Variants in PRUNE2 observed in about 807,000 individuals in gnomAD.
PRUNE2 encodes prune homolog 2 with BCH domain.
A neutral mutation model predicts 252.0 loss-of-function variants in PRUNE2; 164 were observed. That is an observed-to-expected ratio of 0.65 (90% CI 0.57 to 0.74). The LOEUF (loss-of-function observed/expected upper bound fraction) is 0.74, where lower values mean the gene tolerates loss of function less well. Among genes scored for constraint, PRUNE2 ranks in the 30% least tolerant of loss-of-function variants. The pLI, the probability that PRUNE2 is intolerant of heterozygous loss-of-function variation, is 0.00. For missense variants in PRUNE2, 3,495 were observed against 3,711.0 expected (o/e 0.94, Z 1.51); for synonymous variants, 1,292 against 1,350.2 (o/e 0.96, Z 0.94).
At chr9:76,629,060 T>C (rs1016154368) in intron 16 of PRUNE2, 132 bp downstream of exon 16, 5 of 567,196 alleles carry the variant, frequency 8.8e-6, no homozygotes, top group African/African-American at 1.9e-5. Context: ...TCCAGGCTGA[T>C]TGCAAACTCC....
chr9:76,718,406 T>C (rs113008413), intron 6 of PRUNE2, among the ~76,000 whole-genome samples: 50 of 151,598 alleles, frequency 3.3e-4, no homozygotes, highest in African/African-American at 1.2e-3. Flanking sequence ...GTCATTTCAC[T>C]GAAACTCTCT....
intron 18 of PRUNE2, among the ~76,000 whole-genome samples, chr9:76,616,589 C>CT (rs1270468424): frequency 8.5e-5 from 13 of 152,140 alleles, no homozygotes; most frequent in African/African-American, 2.7e-4. Context: ...TTCGTACTGA[C>CT]TTTTTTGTAA....
At chr9:76,702,409 C>T (rs1315488102) in intron 9 of PRUNE2, among the ~76,000 whole-genome samples, 3 of 152,162 alleles carry the variant, frequency 2.0e-5, no homozygotes, top group Non-Finnish European at 4.4e-5. Flanking sequence ...TTCCCCGTTA[C>T]TTAAGTTACT....
chr9:76,733,928 T>C (rs909676343), intron 6 of PRUNE2, among the ~76,000 whole-genome samples: 2 of 151,904 alleles, frequency 1.3e-5, no homozygotes, highest in African/African-American at 4.8e-5. Context: ...TTTAGTTGTT[T>C]TTTTTTTTTC....
intron 6 of PRUNE2, among the ~76,000 whole-genome samples, chr9:76,800,503 A>G (rs1420163129): frequency 3.3e-5 from 5 of 152,250 alleles, no homozygotes; most frequent in Admixed American, 6.5e-5. Flanking sequence ...ATAAAATAAT[A>G]ACAATTTGAA....
At chr9:76,630,079 C>T (rs957907087) in intron 15 of PRUNE2, among the ~76,000 whole-genome samples, 1 of 152,004 alleles carries the variant, frequency 6.6e-6, no homozygotes, top group Non-Finnish European at 1.5e-5. Context: ...TGCGGCCTCC[C>T]GGTGGTTCCT....
chr9:76,751,036 A>T (rs993728767), intron 6 of PRUNE2, among the ~76,000 whole-genome samples: 1 of 152,230 alleles, frequency 6.6e-6, no homozygotes, highest in Non-Finnish European at 1.5e-5. Context: ...CTCCTGCTGT[A>T]TCAATTTGCC....
intron 15 of PRUNE2, 42 bp from the exon 16 acceptor site, chr9:76,629,332 T>C (rs1351683265): frequency 5.8e-6 from 6 of 1,043,120 alleles, no homozygotes; most frequent in Non-Finnish European, 8.4e-6. Flanking sequence ...CATTAGTCAC[T>C]ACCTTATCCA....
intron 9 of PRUNE2, among the ~76,000 whole-genome samples, chr9:76,683,785 G>A (rs2134273136): frequency 6.6e-6 from 1 of 151,948 alleles, no homozygotes; most frequent in East Asian, 1.9e-4. Flanking sequence ...GAAACCTGAT[G>A]CTAACATATA....
At chr9:76,823,920 A>G (rs374569227) in intron 5 of PRUNE2, among the ~76,000 whole-genome samples, 194 bp from the exon 6 acceptor site, 57 of 152,218 alleles carry the variant, frequency 3.7e-4, no homozygotes, top group Admixed American at 1.1e-3. Context: ...TAGGATCCCA[A>G]TAGGAAAAAT....
Position 76,706,905 on chromosome 9 carries a change from G to A in PRUNE2, c.5369C>T (p.Pro1790Leu), listed in dbSNP as rs1788711934. The A allele has an allele frequency of 6.2e-7, 1 of 1,600,834 alleles. No individual in the cohort carries two copies. The highest frequency in any genetic ancestry group is 1.3e-5 in the African/African-American group (1 of 74,296). The change falls in exon 8 of 19, where the codon CCA becomes CTA. Residue 1790 changes from proline to leucine, a missense_variant. Transcript: ENST00000376718. ...TAVEKEKRSS[P>L]ETGTTGDVAW... ...AACATCTCCTGTTGTCCCTGTTTCT[G>A]GAGAAGATCTCTTCTCCTTCTCCAC...
rs1443479007 is a variant in PRUNE2, at chr9:76,653,340, GT to G, written c.8357-658del. On this transcript the variant is annotated intron_variant, in intron 10 of 18. Transcript: ENST00000376718. Reference sequence around the variant, plus strand: ...GAAACTAAAATGTACAGATGCTCAAGTCCCTAATATAAAATGGTGTAGTGTT... The same window carrying G: ...GAAACTAAAATGTACAGATGCTCAAGCCCTAATATAAAATGGTGTAGTGTT... 3.3e-5 allele frequency among the ~76,000 whole-genome samples: 5 copies of G among 152,252 alleles called. No individual in the cohort carries two copies. The East Asian group carries it at 9.7e-4, about 29-fold the overall frequency.
intron 9 of PRUNE2, among the ~76,000 whole-genome samples, chr9:76,682,990 G>C (rs669296): frequency 0.56 from 84,490 of 152,078 alleles, 27,194 homozygotes; most frequent in South Asian, 0.71. Context: ...AAATTTTTTA[G>C]TGTATTCAGA....
At chr9:76,903,498 G>A (rs1050238185) in intron 1 of PRUNE2, among the ~76,000 whole-genome samples, 1 of 152,004 alleles carries the variant, frequency 6.6e-6, no homozygotes, top group East Asian at 1.9e-4. Context: ...GTCTAATAAG[G>A]CTTAAGTAAA....
At chr9:76,873,871 G>A (rs1322319537) in intron 1 of PRUNE2, among the ~76,000 whole-genome samples, 2 of 152,182 alleles carry the variant, frequency 1.3e-5, no homozygotes, top group Non-Finnish European at 2.9e-5. Flanking sequence ...GCCACCGCAA[G>A]TACTAAAATA....
At chr9:76,774,450 C>CTTTATTTATTTATTTATTTATT (rs1426934979) in intron 6 of PRUNE2, among the ~76,000 whole-genome samples, 1 of 41,402 alleles carries the variant, frequency 2.4e-5, no homozygotes, top group Non-Finnish European at 3.9e-5. Flanking sequence ...CAGTTCAACC[C>CTTTATTTATTTATTTATTTATT]TTTTTTTTTT....
Position 76,705,762 on chromosome 9 carries a change from A to G in PRUNE2, c.6512T>C (p.Ile2171Thr), listed in dbSNP as rs757497459. The G allele has an allele frequency of 1.4e-5, 22 of 1,613,938 alleles. No individual in the cohort carries two copies. In the East Asian group the frequency reaches 4.7e-4, roughly 34 times the overall value. ...DSENATVLPPIGYQADIKGSS... is the reference protein window; with the variant it reads ...DSENATVLPPTGYQADIKGSS... ...GCCCTTTATGTCTGCTTGATAGCCAATTGGAGGCAGCACAGTTGCGTTTTC... is the reference window on the plus strand; with the variant it reads ...GCCCTTTATGTCTGCTTGATAGCCAGTTGGAGGCAGCACAGTTGCGTTTTC... The change falls in exon 8 of 19, where the codon ATT becomes ACT. Residue 2171 changes from isoleucine to threonine, a missense_variant. Physicochemically the swap from Ile to Thr is moderately conservative, Grantham distance 89. Coordinates refer to ENST00000376718, the MANE Select transcript of PRUNE2 (RefSeq NM_015225.3).
At chr9:76,851,104 G>A (rs73653226) in intron 2 of PRUNE2, among the ~76,000 whole-genome samples, 12,482 of 148,216 alleles carry the variant, frequency 0.084, 686 homozygotes, top group East Asian at 0.16. Context: ...ATCTTTATAA[G>A]ATTGGCAGAA....
At chr9:76,820,734 TG>T (rs1041036191) in intron 6 of PRUNE2, among the ~76,000 whole-genome samples, 1 of 152,166 alleles carries the variant, frequency 6.6e-6, no homozygotes. Flanking sequence ...TATAAATATG[TG>T]GGCCATTTTT....
Sources: gnomAD v4.1 joint callset for allele counts (sites outside exome capture counted in the v4.1 genomes callset) on GRCh38, gnomAD v4.1.1 for gene constraint, MANE v1.5 for transcripts, NCBI Gene and HGNC (gene_info 2026-07-23, HGNC 2026-07-21) for gene names.